The following PLAC1 variants were observed in gnomAD, a reference collection of about 807,000 sequenced individuals.
The protein encoded by PLAC1 is placenta-specific protein 1.
For synonymous variants in PLAC1, 68 were observed against 62.1 expected (o/e 1.09, Z -0.44); for missense variants, 136 against 163.2 (o/e 0.83, Z 0.91).
chrX:134,585,957 T>C (rs753751873), intron 2 of PLAC1, among the ~76,000 whole-genome samples: 3 of 112,347 alleles, frequency 2.7e-5, no homozygotes, highest in Non-Finnish European at 3.8e-5. Context: ...CCCATTGCCA[T>C]GTGCCCTTCT....
intron 1 of PLAC1, chrX:134,607,185 A>T (rs1449408235): frequency 7.1e-6 from 1 of 140,028 alleles, no homozygotes; most frequent in Non-Finnish European, 1.5e-5. Context: ...AGAGGCACCC[A>T]ATACGTGTTC....
chrX:134,730,953 T>C (rs2078687284), intron 2 of PLAC1, among the ~76,000 whole-genome samples: 1 of 111,385 alleles, frequency 9.0e-6, no homozygotes, highest in Non-Finnish European at 1.9e-5. Context: ...CAAGTCTTTC[T>C]GGCCCTTCCT....
intron 2 of PLAC1, among the ~76,000 whole-genome samples, chrX:134,576,874 A>G (rs1299917177): frequency 9.0e-6 from 1 of 111,656 alleles, no homozygotes. Flanking sequence ...CCGTCACACA[A>G]TATGGCCCTG....
chrX:134,596,045 G>A (rs1031916140), intron 2 of PLAC1, among the ~76,000 whole-genome samples: 1 of 111,353 alleles, frequency 9.0e-6, no homozygotes, highest in African/African-American at 3.3e-5. Context: ...GTATTACATT[G>A]TATATACATA....
At chrX:134,626,313 G>A (rs2078236955) in intron 1 of PLAC1, among the ~76,000 whole-genome samples, 1 of 112,214 alleles carries the variant, frequency 8.9e-6, no homozygotes, top group African/African-American at 3.2e-5. Flanking sequence ...TAAGCTCCCT[G>A]AGGGCAGGGG....
intron 1 of PLAC1, among the ~76,000 whole-genome samples, chrX:134,763,581 G>C (rs2078776010): frequency 2.7e-5 from 3 of 110,972 alleles, no homozygotes; most frequent in Admixed American, 1.9e-4. Context: ...AGCACTTTGG[G>C]AGGCCGAGGC....
intron 2 of PLAC1, among the ~76,000 whole-genome samples, chrX:134,728,440 T>C (rs2078680107): frequency 8.9e-6 from 1 of 112,221 alleles, no homozygotes; most frequent in Middle Eastern, 4.6e-3. Flanking sequence ...AAATTAACAG[T>C]TGATTTCTCA....
intron 2 of PLAC1, among the ~76,000 whole-genome samples, chrX:134,727,291 C>CT (rs1219846306): frequency 2.7e-5 from 3 of 112,171 alleles, no homozygotes; most frequent in South Asian, 7.4e-4. Context: ...AAAAGGGAGC[C>CT]TTTAACGCCT....
chrX:134,754,483 C>A (rs2147852769), intron 1 of PLAC1, among the ~76,000 whole-genome samples: 1 of 111,176 alleles, frequency 9.0e-6, no homozygotes, highest in Admixed American at 9.6e-5. Context: ...CCAAGAGACT[C>A]CTTTTACAAT....
intron 2 of PLAC1, among the ~76,000 whole-genome samples, chrX:134,575,630 G>A (rs1411103421): frequency 9.2e-6 from 1 of 109,212 alleles, no homozygotes; most frequent in East Asian, 2.9e-4. Context: ...TTAGCCAGGC[G>A]TGGTGGCACG....
chrX:134,619,823 C>T (rs1466404338), intron 1 of PLAC1, among the ~76,000 whole-genome samples: 1 of 111,719 alleles, frequency 9.0e-6, no homozygotes, highest in East Asian at 2.8e-4. Flanking sequence ...GCATGAGGTA[C>T]ACTTACAATG....
At chrX:134,701,412 G>T (rs2078582749) in intron 2 of PLAC1, among the ~76,000 whole-genome samples, 1 of 111,487 alleles carries the variant, frequency 9.0e-6, no homozygotes, top group Non-Finnish European at 1.9e-5. Context: ...AAAAGCAATT[G>T]CAACAAAAAC....
Position 134,618,184 on chromosome X carries a change from C to T in PLAC1, c.-130-16062G>A, listed in dbSNP as rs758769644. ...GTACAAGTGTTGAACAGGCCAAACC[C>T]TATGTTTTGAATAAAGTGACAAAGG... On this transcript the variant is annotated intron_variant, in intron 1 of 2. Transcript: ENST00000359237. Among the ~76,000 whole-genome samples, 13 of 111,701 alleles carry T rather than the reference C, an allele frequency of 1.2e-4. 1 individual carries two copies. In the South Asian group the frequency reaches 5.0e-3, roughly 43 times the overall value.
chrX:134,637,245 G>T (rs1465841456), intron 1 of PLAC1, among the ~76,000 whole-genome samples: 1 of 111,539 alleles, frequency 9.0e-6, no homozygotes, highest in Non-Finnish European at 1.9e-5. Context: ...GGGTGCAAGA[G>T]AATACTGCTT....
intron 1 of PLAC1, among the ~76,000 whole-genome samples, chrX:134,629,968 C>CCT (rs1556092715): frequency 3.6e-4 from 32 of 89,906 alleles, no homozygotes; most frequent in African/African-American, 1.3e-3. Context: ...CTCTTCTTCC[C>CCT]TTTTTTTTTT....
At chrX:134,680,233 T>C (rs1196636012) in intron 2 of PLAC1, among the ~76,000 whole-genome samples, 1 of 111,899 alleles carries the variant, frequency 8.9e-6, no homozygotes, top group African/African-American at 3.3e-5. Context: ...CCCTAAGAAG[T>C]AGTATCATTA....
At chrX:134,725,784 G>C (rs1005896676) in intron 2 of PLAC1, among the ~76,000 whole-genome samples, 1 of 111,832 alleles carries the variant, frequency 8.9e-6, no homozygotes, top group East Asian at 2.8e-4. Flanking sequence ...ATCACCTGAG[G>C]TCAGGAGTTC....
intron 1 of PLAC1, among the ~76,000 whole-genome samples, chrX:134,748,714 G>A: frequency 9.0e-6 from 1 of 111,716 alleles, no homozygotes; most frequent in Non-Finnish European, 1.9e-5. Context: ...TGGTATCAGG[G>A]TTTAAATGGG....
At chrX:134,706,818 T>C (rs1476815082) in intron 2 of PLAC1, among the ~76,000 whole-genome samples, 1 of 109,587 alleles carries the variant, frequency 9.1e-6, no homozygotes, top group African/African-American at 3.3e-5. Context: ...ATGGAGGAGA[T>C]AGAGAAAAGA....
Sources: gnomAD v4.1 joint callset for allele counts (sites outside exome capture counted in the v4.1 genomes callset) on GRCh38, gnomAD v4.1.1 for gene constraint, MANE v1.5 for transcripts, NCBI Gene and HGNC (gene_info 2026-07-23, HGNC 2026-07-21) for gene names.